MROH2A: variants seen among roughly 807,000 people sequenced by gnomAD.
MROH2A encodes the protein maestro heat like repeat family member 2A.
MROH2A carries 174 observed loss-of-function variants against 200.4 expected under a neutral mutation model. The ratio of observed to expected loss-of-function variants is 0.87; its 90% CI spans 0.77 to 0.98. MROH2A has a LOEUF of 0.98. Ranked by LOEUF, MROH2A falls within the 50% of genes least tolerant of loss-of-function variation. The pLI is 0.00. For missense variants in MROH2A, 2,045 were observed against 2,139.6 expected (o/e 0.96, Z 0.87); for synonymous variants, 829 against 840.4 (o/e 0.99, Z 0.23).
At chr2:233,818,838 G>GCCTCCCTCCCT in intron 29 of MROH2A, 68 bp downstream of exon 29, 1 of 1,025,892 alleles carries the variant, frequency 9.7e-7, no homozygotes, top group Non-Finnish European at 1.4e-6. Context: ...TCTCAGGGAG[G>GCCTCCCTCCCT]GAGGCCTTCC....
At chr2:233,787,496 T>C (rs1216628100) in intron 3 of MROH2A, among the ~76,000 whole-genome samples, 2 of 128,512 alleles carry the variant, frequency 1.6e-5, no homozygotes, top group African/African-American at 3.0e-5. Flanking sequence ...TATATATACA[T>C]ATACATATAT....
Position 233,814,286 on chromosome 2 carries a change from A to AC in MROH2A, c.2761-295dup, listed in dbSNP as rs78845559. On this transcript the variant is annotated intron_variant, in intron 25 of 41. Coordinates refer to ENST00000389758, the MANE Select transcript of MROH2A (RefSeq NM_001394639.1). Reference sequence around the variant, plus strand: ...ATGAGATGGCTGTTTCCCTGACAACACTGTGGAAGAGGAGAAGGAATCTTT... The same window carrying AC: ...ATGAGATGGCTGTTTCCCTGACAACACCTGTGGAAGAGGAGAAGGAATCTTT... Among the ~76,000 whole-genome samples, 2,486 of 152,272 alleles carry AC rather than the reference A, an allele frequency of 0.016. 130 individuals carry two copies. In the East Asian group the frequency reaches 0.2, roughly 12 times the overall value.
At chr2:233,830,028 G>A (rs1252270339) in intron 38 of MROH2A, among the ~76,000 whole-genome samples, 2 of 152,146 alleles carry the variant, frequency 1.3e-5, no homozygotes, top group Admixed American at 6.5e-5. Context: ...GGGACATGGT[G>A]TGGTGGCTGC....
At position 233,807,284 on chromosome 2, in the gene MROH2A, T is replaced by C; in HGVS notation, c.2053-139T>C. The C allele has an allele frequency of 1.1e-6, 1 of 948,712 alleles. No individual in the cohort carries two copies. The highest frequency in any genetic ancestry group is 3.0e-5 in the Admixed American group (1 of 33,056). The allele number at this position is 948,712 out of a possible 1,614,324, so 58.8% of individuals were successfully genotyped here. ...TCCACATTTTTGCACTTGTGAATTG[T>C]GCTGCTGTAAACGTGTGTGCAAGTA... is the stretch of plus-strand genomic sequence containing the variant. On this transcript the variant is annotated intron_variant, in intron 19 of 41. Coordinates refer to ENST00000389758, the MANE Select transcript of MROH2A (RefSeq NM_001394639.1). This position sits in a 1 kb window ranked among gnomAD's most constrained non-coding sequence, Gnocchi z 4.3.
intron 38 of MROH2A, among the ~76,000 whole-genome samples, chr2:233,830,895 G>A (rs1219098191): frequency 1.3e-5 from 2 of 152,216 alleles, no homozygotes; most frequent in African/African-American, 2.4e-5. Context: ...CAACTGTCCA[G>A]TGGGGTGGGG....
Position 233,813,768 on chromosome 2 carries a change from A to G in MROH2A, c.2750A>G (p.Glu917Gly), listed in dbSNP as rs1295375824. 1.9e-6 allele frequency: 3 copies of G among 1,540,534 alleles called. No individual in the cohort carries two copies. Among genetic ancestry groups the G allele is most frequent in the Non-Finnish European group, 2.6e-6 (3 of 1,137,976 alleles). ...ISLQLPGEDN[E>G]SIKTLYANAL... ...CTCCAACTCCCAGGAGAGGACAATG[A>G]GTCCATTAAGGTAGGTCCCTCTGGG... The change falls in exon 25 of 42, where the codon GAG becomes GGG. Residue 917 changes from glutamate to glycine, a missense_variant. Coordinates refer to ENST00000389758, the MANE Select transcript of MROH2A (RefSeq NM_001394639.1).
In MROH2A at chr2:233,819,964, G is replaced by A. The variant is rs1703824435; in HGVS notation, c.3420G>A (p.Arg1140=). The change falls in exon 31 of 42, where the codon CGG becomes CGA. Residue 1140 remains arginine (R), a synonymous_variant. Coordinates refer to ENST00000389758, the MANE Select transcript of MROH2A (RefSeq NM_001394639.1). ...CGGTGGTGGACCACCCAGAGGTGCG[G>A]CGCCTTCTCATTGACGGCATCCTGC... ...HLPVVDHPEV[R]RLLIDGILLL... 1.3e-6 allele frequency: 2 copies of A among 1,546,578 alleles called. No homozygotes were observed. Among genetic ancestry groups the A allele is most frequent in the South Asian group, 2.4e-5 (2 of 83,832 alleles).
At chr2:233,785,107 C>T (rs17863805) in intron 3 of MROH2A, among the ~76,000 whole-genome samples, 22,655 of 151,426 alleles carry the variant, frequency 0.15, 1,813 homozygotes, top group South Asian at 0.21. Context: ...GATCGTGCCA[C>T]TGCACTCCAG....
In MROH2A at chr2:233,828,398, A is replaced by G. The variant is rs1704463622; in HGVS notation, c.4114-232A>G. On this transcript the variant is annotated intron_variant, in intron 35 of 41. Transcript: ENST00000389758. The surrounding 1 kb of genome is among the most constrained non-coding windows in gnomAD (Gnocchi z 4.6). ...AAATAAATGACGAATTTATATATAT[A>G]CGTAACACTTATCTAGCATTCCCCC... is the stretch of plus-strand genomic sequence containing the variant. 6.6e-6 allele frequency among the ~76,000 whole-genome samples: 1 copy of G among 152,126 alleles called. No individual in the cohort carries two copies. Among genetic ancestry groups the G allele is most frequent in the African/African-American group, 2.4e-5 (1 of 41,430 alleles).
chr2:233,807,911 G>T lies in MROH2A; in HGVS notation c.2295+56G>T. 6.5e-7 allele frequency: 1 copy of T among 1,547,712 alleles called. No individual in the cohort carries two copies. Among genetic ancestry groups the T allele is most frequent in the Non-Finnish European group, 8.7e-7 (1 of 1,144,604 alleles). On this transcript the variant is annotated intron_variant, in intron 21 of 41. Coordinates refer to ENST00000389758, the MANE Select transcript of MROH2A (RefSeq NM_001394639.1). The surrounding 1 kb of genome is among the most constrained non-coding windows in gnomAD (Gnocchi z 4.3). ...TGGGATCTCTTAGCACAGTGCTCTG[G>T]GCACTGACACAAAGTCCTTTCTAGA...
At position 233,789,628 on chromosome 2, in the gene MROH2A, G is replaced by T; in HGVS notation, c.408G>T (p.Glu136Asp). Residue 136 changes from glutamate (E) to aspartate (D), a missense_variant and splice_region_variant, in exon 4 of 42, where the codon GAG (glutamate) becomes GAT (aspartate). Glu to Asp is a conservative substitution (Grantham distance 45, BLOSUM62 2). This residue lies in a region of MROH2A where 831 missense variants were observed against 800.0 expected (regional missense o/e 1.04). Coordinates refer to ENST00000389758, the MANE Select transcript of MROH2A (RefSeq NM_001394639.1). ...CCAAGGAGATGAGGGAGATCCCAGA[G>T]GTAGGACCCCAAGCTCCATCGGTGC... ...IASKEMREIPEMEGYMKAEVA... is the reference protein window; with the variant it reads ...IASKEMREIPDMEGYMKAEVA... 6.9e-7 allele frequency: 1 copy of T among 1,458,524 alleles called. No individual in the cohort carries two copies. Among genetic ancestry groups the T allele is most frequent in the East Asian group, 2.5e-5 (1 of 39,918 alleles). The allele number at this position is 1,458,524 out of a possible 1,614,324, so 90.3% of individuals were successfully genotyped here.
rs1453557268 is a variant in MROH2A at position 233,828,499 on chromosome 2, G to A, written c.4114-131G>A. 2 of 1,136,648 alleles carry A rather than the reference G, an allele frequency of 1.8e-6. No individual in the cohort carries two copies. Among genetic ancestry groups the A allele is most frequent in the Non-Finnish European group, 2.5e-6 (2 of 813,430 alleles). 70.4% of individuals were successfully genotyped at this position (1,136,648 alleles called of 1,614,324 possible). A position where few individuals can be genotyped will look rare whatever the true frequency, so the allele number is the denominator to read the frequency against. ...CACCCGCTTTTTATAGAGAGGAAAC[G>A]GAGGCTCTCAGAGCCCCTCCCCTCC... is the stretch of plus-strand genomic sequence containing the variant. On this transcript the variant is annotated intron_variant, in intron 35 of 41. Transcript: ENST00000389758. This position sits in a 1 kb window ranked among gnomAD's most constrained non-coding sequence, Gnocchi z 4.6.
intron 22 of MROH2A, among the ~76,000 whole-genome samples, chr2:233,810,548 AT>A (rs575775121): frequency 6.6e-6 from 1 of 152,250 alleles, no homozygotes; most frequent in Non-Finnish European, 1.5e-5. Flanking sequence ...CAGCCAAACT[AT>A]ATCACGTGTG....
chr2:233,791,237 C>T (rs149709616), intron 5 of MROH2A, among the ~76,000 whole-genome samples: 4 of 152,182 alleles, frequency 2.6e-5, no homozygotes, highest in Non-Finnish European at 4.4e-5. Flanking sequence ...TGTGGGAAGG[C>T]CTTTCTGACT....
intron 16 of MROH2A, 98 bp from the exon 17 acceptor site, chr2:233,803,953 C>T: frequency 6.9e-7 from 1 of 1,442,592 alleles, no homozygotes; most frequent in Non-Finnish European, 9.3e-7. Flanking sequence ...AACCACCGAT[C>T]TTGTCCAGCT....
chr2:233,777,531 G>A (rs1700745146), upstream of MROH2A, among the ~76,000 whole-genome samples: 1 of 152,238 alleles, frequency 6.6e-6, no homozygotes, highest in Non-Finnish European at 1.5e-5. Context: ...TTATGAGGAA[G>A]AAATGTTGGG....
intron 11 of MROH2A, among the ~76,000 whole-genome samples, chr2:233,797,945 A>G (rs1456469065): frequency 6.6e-6 from 1 of 152,172 alleles, no homozygotes; most frequent in Non-Finnish European, 1.5e-5. Flanking sequence ...GCCATATACT[A>G]TTTTTATAAT....
rs1437760274 is a variant in MROH2A, at chr2:233,794,526, C to T, written c.966+20C>T. ...ACGCAGGCGAGTGGCCAGGCAGCCA[C>T]GGCTCTGGGCAGGAGGCTTAGGGAA... On this transcript the variant is annotated intron_variant, in intron 8 of 41. Coordinates refer to ENST00000389758, the MANE Select transcript of MROH2A (RefSeq NM_001394639.1). The T allele has an allele frequency of 8.9e-6, 12 of 1,348,242 alleles. No homozygotes were observed. Among genetic ancestry groups the T allele is most frequent in the Admixed American group, 4.0e-5 (2 of 50,438 alleles). 83.5% of individuals were successfully genotyped at this position (1,348,242 alleles called of 1,614,324 possible). A position where few individuals can be genotyped will look rare whatever the true frequency, so the allele number is the denominator to read the frequency against.
chr2:233,820,016 A>G lies in MROH2A; in HGVS notation c.3472A>G (p.Ile1158Val), dbSNP rs1703829685. The G allele has an allele frequency of 1.3e-6, 2 of 1,544,348 alleles. No homozygotes were observed. The highest frequency in any genetic ancestry group is 1.4e-5 in the African/African-American group (1 of 72,872). ...LLLAHHHQET[I>V]LTSLLRQPLP... Reference sequence around the variant, plus strand: ...GCTGGCGCACCACCACCAGGAGACCATCCTCACATCGCTCCTGAGGCAGCC... The same window carrying G: ...GCTGGCGCACCACCACCAGGAGACCGTCCTCACATCGCTCCTGAGGCAGCC... Residue 1158 changes from isoleucine to valine, a missense_variant, in exon 31 of 42, where the codon ATC becomes GTC. By Grantham distance (29) the Ile-to-Val change is conservative. This residue lies in a region of MROH2A where 1,201 missense variants were observed against 1,311.3 expected (regional missense o/e 0.92). Transcript: ENST00000389758. The surrounding 1 kb of genome is among the most constrained non-coding windows in gnomAD (Gnocchi z 4.1).
Sources: gnomAD v4.1 joint callset for allele counts (sites outside exome capture counted in the v4.1 genomes callset) on GRCh38, gnomAD v4.1.1 for gene constraint, gnomAD v4.1.1 regional missense constraint, Gnocchi (gnomAD v3.1) non-coding constraint, MANE v1.5 for transcripts, NCBI Gene and HGNC (gene_info 2026-07-23, HGNC 2026-07-21) for gene names.